Variants in ATP10B observed in about 807,000 individuals in gnomAD.
ATP10B encodes the protein ATPase phospholipid transporting 10B (putative), also known as phospholipid-transporting ATPase VB.
ATP10B carries 122 observed loss-of-function variants against 141.2 expected under a neutral mutation model. The observed-to-expected ratio is 0.86, with a 90% CI of 0.75 to 1.00. The LOEUF is 1.00. Among genes scored for constraint, ATP10B ranks in the 50% least tolerant of loss-of-function variants. The probability of loss-of-function intolerance (pLI) is 0.00; values close to 1 mark genes in which losing one functional copy is unlikely to be tolerated. For missense variants in ATP10B, 1,876 were observed against 1,825.3 expected (o/e 1.03, Z -0.51); for synonymous variants, 685 against 692.0 (o/e 0.99, Z 0.16).
chr5:160,724,371 C>T (rs924890527), intron 2 of ATP10B, among the ~76,000 whole-genome samples: 10 of 151,516 alleles, frequency 6.6e-5, no homozygotes, highest in African/African-American at 2.2e-4. Context: ...GATCATCCCA[C>T]CTCAGTCCCC....
Position 160,620,938 on chromosome 5 carries a change from G to A in ATP10B, c.1825C>T (p.Pro609Ser), listed in dbSNP as rs1758311384. 6.2e-7 allele frequency: 1 copy of A among 1,611,718 alleles called. No individual in the cohort carries two copies. Among genetic ancestry groups the A allele is most frequent in the African/African-American group, 1.3e-5 (1 of 74,856 alleles). The change falls in exon 15 of 26, where the codon CCC (proline) becomes TCC (serine). Residue 609 changes from proline (P) to serine (S), a missense_variant. By Grantham distance (74) the Pro-to-Ser change is moderately conservative. Coordinates refer to ENST00000327245, the MANE Select transcript of ATP10B (RefSeq NM_025153.3). ...TEPRQRVTIK[P>S]SSKALGTSLE... Reference sequence around the variant, plus strand: ...GACGTCCCCAGAGCCTTGCTTGAGGGTTTGATGGTGACCTTGTGGCCAAAG... The same window carrying A: ...GACGTCCCCAGAGCCTTGCTTGAGGATTTGATGGTGACCTTGTGGCCAAAG...
intron 24 of ATP10B, among the ~76,000 whole-genome samples, chr5:160,573,156 C>A (rs1182653600): frequency 1.3e-5 from 2 of 152,162 alleles, no homozygotes; most frequent in Admixed American, 6.5e-5. Flanking sequence ...TTAGGGGGAG[C>A]CCCCATGAAT....
the ATP10B span, among the ~76,000 whole-genome samples, chr5:160,878,514 C>G: frequency 1.6e-4 from 25 of 152,266 alleles, no homozygotes; most frequent in South Asian, 3.3e-3. Flanking sequence ...GCAATGGCAA[C>G]AGAAGACAAA....
chr5:160,792,695 A>G (rs1295990783), intron 1 of ATP10B, among the ~76,000 whole-genome samples: 1 of 151,894 alleles, frequency 6.6e-6, no homozygotes, highest in East Asian at 1.9e-4. Context: ...TTGCCTACCC[A>G]CCTTTGGATG....
chr5:160,836,054 G>C (rs575879718), intron 1 of ATP10B, among the ~76,000 whole-genome samples: 1 of 152,034 alleles, frequency 6.6e-6, no homozygotes, highest in Non-Finnish European at 1.5e-5. Context: ...TAAAGTGTTC[G>C]CATGGACATA....
At chr5:160,822,989 C>CATATATATATATATATAT (rs773879988) in intron 1 of ATP10B, among the ~76,000 whole-genome samples, 3 of 69,712 alleles carry the variant, frequency 4.3e-5, no homozygotes, top group Non-Finnish European at 5.6e-5. Flanking sequence ...ATTACATATA[C>CATATATATATATATATAT]ATATATATAT....
the ATP10B span, among the ~76,000 whole-genome samples, chr5:160,915,452 C>T: frequency 6.6e-6 from 1 of 152,064 alleles, no homozygotes; most frequent in East Asian, 1.9e-4. Flanking sequence ...CTGTCTCAGC[C>T]TCCTGAGTAG....
chr5:160,636,211 T>A lies in ATP10B; in HGVS notation c.1099A>T (p.Met367Leu). The change falls in exon 11 of 26, where the codon ATG (methionine) becomes TTG (leucine). Residue 367 changes from methionine (M) to leucine (L), a missense_variant. Coordinates refer to ENST00000327245, the MANE Select transcript of ATP10B (RefSeq NM_025153.3). ...FLPSALGGFY[M>L]FLTMIILLQV... ...AGCAGGATGATCATTGTGAGGAACA[T>A]GTAGAAGCCCCCAAGGGCACTGGGA... 6.2e-7 allele frequency: 1 copy of A among 1,612,794 alleles called. No individual in the cohort carries two copies. Among genetic ancestry groups the A allele is most frequent in the Non-Finnish European group, 8.5e-7 (1 of 1,179,366 alleles).
intron 1 of ATP10B, among the ~76,000 whole-genome samples, chr5:160,791,403 G>C (rs1437241308): frequency 6.6e-6 from 1 of 152,152 alleles, no homozygotes; most frequent in East Asian, 1.9e-4. Context: ...GTGCTCAGTA[G>C]GAATTGGTGT....
intron 3 of ATP10B, among the ~76,000 whole-genome samples, chr5:160,700,130 TG>T (rs1764593239): frequency 6.6e-6 from 1 of 152,108 alleles, no homozygotes; most frequent in South Asian, 2.1e-4. Flanking sequence ...CAGGGATGAC[TG>T]GGAAAAACAT....
At chr5:160,729,669 T>A (rs1002441191) in intron 2 of ATP10B, among the ~76,000 whole-genome samples, 2 of 152,076 alleles carry the variant, frequency 1.3e-5, no homozygotes, top group African/African-American at 4.8e-5. Flanking sequence ...TGAATTTCAA[T>A]AGGTAGAGAT....
intron 25 of ATP10B, among the ~76,000 whole-genome samples, chr5:160,567,586 G>T (rs1186859974): frequency 2.6e-5 from 4 of 152,140 alleles, no homozygotes; most frequent in Admixed American, 2.6e-4. Context: ...TTTACACACA[G>T]TAACCTTTTA....
intron 1 of ATP10B, among the ~76,000 whole-genome samples, chr5:160,803,067 CCTGTTCAAAAGGCTT>C (rs1199880904): frequency 6.6e-6 from 1 of 152,190 alleles, no homozygotes; most frequent in Non-Finnish European, 1.5e-5. Flanking sequence ...GTGACATGCT[CCTGTTCAAAAGGCTT>C]CTGTTGGCTC....
intron 2 of ATP10B, among the ~76,000 whole-genome samples, chr5:160,765,810 C>T (rs1290113248): frequency 6.6e-6 from 1 of 151,924 alleles, no homozygotes; most frequent in Non-Finnish European, 1.5e-5. Flanking sequence ...ATGCATCTGA[C>T]AAAAAACTAA....
At chr5:160,818,251 C>T (rs1773828273) in intron 1 of ATP10B, among the ~76,000 whole-genome samples, 1 of 152,326 alleles carries the variant, frequency 6.6e-6, no homozygotes, top group South Asian at 2.1e-4. Flanking sequence ...ATCTACTCAT[C>T]TGACAAGGGG....
chr5:160,653,104 A>G (rs1482247846), intron 7 of ATP10B, among the ~76,000 whole-genome samples: 1 of 128,520 alleles, frequency 7.8e-6, no homozygotes, highest in Non-Finnish European at 1.6e-5. Flanking sequence ...ACACGTGTAT[A>G]TATAACATAT....
intron 22 of ATP10B, among the ~76,000 whole-genome samples, chr5:160,594,605 A>G (rs560309478): frequency 2.0e-5 from 3 of 151,878 alleles, no homozygotes; most frequent in African/African-American, 4.8e-5. Flanking sequence ...AATTGGATAA[A>G]GAGTCAAGAC....
chr5:160,897,733 G>A, the ATP10B span, among the ~76,000 whole-genome samples: 1 of 152,128 alleles, frequency 6.6e-6, no homozygotes, highest in African/African-American at 2.4e-5. Context: ...ATATAGCCAA[G>A]ACAATCCTAA....
chr5:160,750,362 A>G (rs1205014619), intron 2 of ATP10B, among the ~76,000 whole-genome samples: 1 of 152,194 alleles, frequency 6.6e-6, no homozygotes, highest in Non-Finnish European at 1.5e-5. Context: ...TCAAGCAAAT[A>G]GCCCCAGCCC....
Sources: gnomAD v4.1 joint callset for allele counts (sites outside exome capture counted in the v4.1 genomes callset) on GRCh38, gnomAD v4.1.1 for gene constraint, MANE v1.5 for transcripts, NCBI Gene and HGNC (gene_info 2026-07-23, HGNC 2026-07-21) for gene names.